PDGFRL: variants seen among roughly 807,000 people sequenced by gnomAD.
PDGFRL encodes the protein platelet-derived growth factor receptor-like protein.
In PDGFRL, 46 loss-of-function variants were observed where a neutral mutation model predicts 37.2. The observed-to-expected ratio is 1.24, with a 90% CI of 0.98 to 1.58. PDGFRL has a LOEUF of 1.58. Ranked by LOEUF, PDGFRL falls within the 40% of genes most tolerant of loss-of-function variation. PDGFRL has a pLI of 0.00. For missense variants in PDGFRL, 692 were observed against 467.6 expected (o/e 1.48, Z -4.43); for synonymous variants, 251 against 184.3 (o/e 1.36, Z -2.93).
intron 1 of PDGFRL, among the ~76,000 whole-genome samples, chr8:17,577,590 T>A (rs1187166991): frequency 1.3e-5 from 2 of 151,478 alleles, no homozygotes; most frequent in African/African-American, 4.9e-5. Context: ...GAACCAAGCA[T>A]CCCCAGCCAG....
intron 4 of PDGFRL, 49 bp from the exon 5 acceptor site, chr8:17,634,025 C>T: frequency 1.3e-6 from 2 of 1,597,844 alleles, no homozygotes; most frequent in Non-Finnish European, 1.7e-6. Flanking sequence ...GGTTTGTTTT[C>T]AAGGTTACAC....
chr8:17,601,433 G>T (rs954220533), intron 2 of PDGFRL, among the ~76,000 whole-genome samples: 1 of 151,280 alleles, frequency 6.6e-6, no homozygotes, highest in South Asian at 2.1e-4. Flanking sequence ...CCTTCTGATT[G>T]TTAACTTATA....
chr8:17,577,702 T>C (rs2150804530), intron 1 of PDGFRL, among the ~76,000 whole-genome samples: 1 of 151,880 alleles, frequency 6.6e-6, no homozygotes, highest in Non-Finnish European at 1.5e-5. Context: ...CCTCTGCTGC[T>C]GAGAGCGAGT....
chr8:17,600,815 CAA>C (rs72227622), intron 2 of PDGFRL, among the ~76,000 whole-genome samples: 1 of 144,236 alleles, frequency 6.9e-6, no homozygotes, highest in Admixed American at 6.9e-5. Context: ...AAAAAAAAAA[CAA>C]AAAAACCTCT....
At chr8:17,589,795 G>C in intron 2 of PDGFRL, 30 bp downstream of exon 2, 1 of 1,387,540 alleles carries the variant, frequency 7.2e-7, no homozygotes. Context: ...ACTGTGTAGG[G>C]TTGAGGATTT....
In PDGFRL at chr8:17,628,481, T is replaced by C; in HGVS notation, c.506-6T>C. ...GAATAAGCCTGTGTCTTCCTTCCCT[T>C]TGCAGAGAAAGGAGAACTCTTTGTA... On this transcript the variant is annotated splice_region_variant and splice_polypyrimidine_tract_variant and intron_variant, in intron 3 of 5. Transcript: ENST00000251630. The C allele has an allele frequency of 1.2e-6, 2 of 1,612,118 alleles. No individual in the cohort carries two copies. Among genetic ancestry groups the C allele is most frequent in the Admixed American group, 1.7e-5 (1 of 60,020 alleles).
At chr8:17,619,497 C>G (rs1804590243) in intron 2 of PDGFRL, among the ~76,000 whole-genome samples, 1 of 152,122 alleles carries the variant, frequency 6.6e-6, no homozygotes, top group Admixed American at 6.5e-5. Context: ...AGAGTAAGGT[C>G]AGAGGAAAAG....
At chr8:17,631,761 C>G (rs1345489384) in intron 4 of PDGFRL, among the ~76,000 whole-genome samples, 1 of 152,226 alleles carries the variant, frequency 6.6e-6, no homozygotes, top group African/African-American at 2.4e-5. Flanking sequence ...GGAACAGCCT[C>G]TGCCCTGGCT....
chr8:17,591,452 C>A (rs1239887656), intron 2 of PDGFRL, among the ~76,000 whole-genome samples: 1 of 152,136 alleles, frequency 6.6e-6, no homozygotes, highest in Non-Finnish European at 1.5e-5. Flanking sequence ...GGTGAAGTCT[C>A]CTAAACTCTG....
At chr8:17,616,832 C>G (rs1384380894) in intron 2 of PDGFRL, among the ~76,000 whole-genome samples, 2 of 152,094 alleles carry the variant, frequency 1.3e-5, no homozygotes, top group Non-Finnish European at 2.9e-5. Context: ...GGTATAATAC[C>G]AATGAATCAT....
At chr8:17,587,870 T>G (rs1296937228) in intron 1 of PDGFRL, among the ~76,000 whole-genome samples, 1 of 152,142 alleles carries the variant, frequency 6.6e-6, no homozygotes, top group Non-Finnish European at 1.5e-5. Flanking sequence ...CCTCAACTGA[T>G]CCACCTGCGT....
At chr8:17,608,581 G>T (rs2427713) in intron 2 of PDGFRL, among the ~76,000 whole-genome samples, 77,936 of 152,012 alleles carry the variant, frequency 0.51, 21,626 homozygotes, top group Middle Eastern at 0.63. Context: ...CTTCAGTTCA[G>T]TGTTGGTCTG....
chr8:17,577,461 C>T (rs886359935), intron 1 of PDGFRL, among the ~76,000 whole-genome samples, 154 bp downstream of exon 1: 1 of 152,046 alleles, frequency 6.6e-6, no homozygotes, highest in African/African-American at 2.4e-5. Flanking sequence ...CCTGCCCCCT[C>T]CTGGTGGGGT....
Position 17,589,835 on chromosome 8 carries a change from A to G in PDGFRL, c.353+70A>G, listed in dbSNP as rs1803897063. 14 of 869,354 alleles carry G rather than the reference A, an allele frequency of 1.6e-5. 1 individual carries two copies. Among genetic ancestry groups the G allele is most frequent in the South Asian group, 6.6e-5 (4 of 60,560 alleles). 53.9% of individuals were successfully genotyped at this position (869,354 alleles called of 1,614,324 possible). A position where few individuals can be genotyped will look rare whatever the true frequency, so the allele number is the denominator to read the frequency against. On this transcript the variant is annotated intron_variant, in intron 2 of 5. Transcript: ENST00000251630. ...TAGTTAACAAAATTCCTTCTTAACTATTATTACACATTGTTTCTGACATGT... is the reference window on the plus strand; with the variant it reads ...TAGTTAACAAAATTCCTTCTTAACTGTTATTACACATTGTTTCTGACATGT...
intron 1 of PDGFRL, among the ~76,000 whole-genome samples, chr8:17,584,193 C>T (rs1450687423): frequency 6.6e-6 from 1 of 151,982 alleles, no homozygotes; most frequent in African/African-American, 2.4e-5. Context: ...AAAACAAGTG[C>T]GACTTGGAGG....
intron 4 of PDGFRL, among the ~76,000 whole-genome samples, chr8:17,633,699 G>T: frequency 6.6e-6 from 1 of 152,126 alleles, no homozygotes; most frequent in East Asian, 1.9e-4. Context: ...ACACCTATCT[G>T]CTCCCTGCCA....
Position 17,589,729 on chromosome 8 carries a change from C to T in PDGFRL, c.317C>T (p.Pro106Leu), listed in dbSNP as rs1437734541. 1 of 1,612,630 alleles carries T rather than the reference C, an allele frequency of 6.2e-7. No homozygotes were observed. The highest frequency in any genetic ancestry group is 8.5e-7 in the Non-Finnish European group (1 of 1,178,942). Residue 106 changes from proline (P) to leucine (L), a missense_variant, in exon 2 of 6, where the codon CCT (proline) becomes CTT (leucine). Pro to Leu is a moderately conservative substitution (Grantham distance 98). Coordinates refer to ENST00000251630, the MANE Select transcript of PDGFRL (RefSeq NM_001372073.1). ...CKGSRIGWSY[P>L]AYLDTFKDSR... ...GGGAGTAGAATTGGGTGGAGCTACC[C>T]TGCGTATCTGGACACCTTTAAGGAT...
chr8:17,581,098 G>A (rs1347469097), intron 1 of PDGFRL, among the ~76,000 whole-genome samples: 1 of 152,108 alleles, frequency 6.6e-6, no homozygotes, highest in African/African-American at 2.4e-5. Context: ...CTGGGAGTTA[G>A]GACTTCAGCA....
At chr8:17,617,622 C>T (rs765068930) in intron 2 of PDGFRL, among the ~76,000 whole-genome samples, 16 of 152,204 alleles carry the variant, frequency 1.1e-4, no homozygotes, top group Non-Finnish European at 2.1e-4. Flanking sequence ...TGTAATCCCA[C>T]TAAATAATTT....
Sources: allele counts gnomAD v4.1 joint callset (sites outside exome capture counted in the v4.1 genomes callset), GRCh38; gene constraint gnomAD v4.1.1; transcripts MANE v1.5; gene names NCBI Gene and HGNC (gene_info 2026-07-23, HGNC 2026-07-21).